PARD3: variants seen among roughly 807,000 people sequenced by gnomAD.
PARD3 encodes the protein partitioning defective 3 homolog.
PARD3 carries 75 observed loss-of-function variants against 155.4 expected under a neutral mutation model. The observed-to-expected ratio is 0.48, with a 90% CI of 0.40 to 0.58. PARD3 has a LOEUF of 0.58. Among genes scored for constraint, PARD3 ranks in the 20% least tolerant of loss-of-function variants. The pLI is 0.00. For synonymous variants in PARD3, 576 were observed against 610.5 expected, an observed-to-expected ratio of 0.94 and a Z score of 0.83; for missense variants, 1,642 against 1,721.7, an observed-to-expected ratio of 0.95 and a Z score of 0.82.
At chr10:34,172,749 C>CA (rs1407885538) in intron 22 of PARD3, among the ~76,000 whole-genome samples, 372 of 111,584 alleles carry the variant, frequency 3.3e-3, no homozygotes, top group South Asian at 0.018. Context: ...AAAAAAACAA[C>CA]AAAAAAAAAA....
At chr10:34,564,802 GA>G (rs2085790403) in intron 2 of PARD3, among the ~76,000 whole-genome samples, 2 of 152,292 alleles carry the variant, frequency 1.3e-5, no homozygotes, top group African/African-American at 4.8e-5. Flanking sequence ...AACCACATTT[GA>G]TGATCTGTCT....
intron 2 of PARD3, among the ~76,000 whole-genome samples, chr10:34,550,754 G>T (rs958470520): frequency 6.6e-6 from 1 of 151,996 alleles, no homozygotes; most frequent in Non-Finnish European, 1.5e-5. Context: ...TTAACTATTA[G>T]TTTAAAAATA....
chr10:34,471,068 T>A (rs987679330), intron 3 of PARD3, among the ~76,000 whole-genome samples: 3 of 152,206 alleles, frequency 2.0e-5, no homozygotes, highest in Admixed American at 1.3e-4. Flanking sequence ...TTTTGTTGAA[T>A]AAAATGTTTC....
intron 2 of PARD3, among the ~76,000 whole-genome samples, chr10:34,632,516 A>C (rs543711610): frequency 1.3e-5 from 2 of 152,350 alleles, no homozygotes; most frequent in South Asian, 4.1e-4. Context: ...AGAGAAGAAC[A>C]GTATCTCAGA....
At chr10:34,111,927 T>G (rs1284270483) in intron 24 of PARD3, among the ~76,000 whole-genome samples, 1 of 152,228 alleles carries the variant, frequency 6.6e-6, no homozygotes, top group African/African-American at 2.4e-5. Flanking sequence ...GTTTGGCAGC[T>G]TCCATGGTAG....
At chr10:34,755,571 C>T (rs1022802032) in intron 1 of PARD3, among the ~76,000 whole-genome samples, 1 of 152,170 alleles carries the variant, frequency 6.6e-6, no homozygotes, top group Non-Finnish European at 1.5e-5. Context: ...GGATCTGGAT[C>T]TGCTTGTAGT....
At chr10:34,673,302 C>T (rs2093641343) in intron 2 of PARD3, among the ~76,000 whole-genome samples, 1 of 152,170 alleles carries the variant, frequency 6.6e-6, no homozygotes, top group South Asian at 2.1e-4. Context: ...ATAGCAAAAA[C>T]TTAAGGTGTT....
Position 34,601,693 on chromosome 10 carries a change from T to G in PARD3, c.223-84534A>C, listed in dbSNP as rs1188027632. Among the ~76,000 whole-genome samples, 3 of 152,188 alleles carry G rather than the reference T, an allele frequency of 2.0e-5. No homozygotes were observed. In the East Asian group the frequency reaches 5.8e-4, roughly 29 times the overall value. ...TGTTTCTCCAATCCCTGTGGCACTA[T>G]GGAATCCTTCAGTTTCCGACTACAT... is the stretch of plus-strand genomic sequence containing the variant. On this transcript the variant is annotated intron_variant, in intron 2 of 24. Transcript: ENST00000374788.
At chr10:34,447,236 T>G (rs1260455099) in intron 5 of PARD3, among the ~76,000 whole-genome samples, 1 of 151,654 alleles carries the variant, frequency 6.6e-6, no homozygotes, top group Non-Finnish European at 1.5e-5. Context: ...GATCAGCACT[T>G]TGGGAGGCTG....
At chr10:34,286,169 A>G (rs898173031) in intron 20 of PARD3, among the ~76,000 whole-genome samples, 1 of 152,234 alleles carries the variant, frequency 6.6e-6, no homozygotes, top group Non-Finnish European at 1.5e-5. Context: ...ATAAATGAAA[A>G]AATATTAAAA....
intron 3 of PARD3, among the ~76,000 whole-genome samples, chr10:34,495,865 G>A (rs773503542): frequency 9.9e-5 from 15 of 151,094 alleles, no homozygotes; most frequent in African/African-American, 2.4e-4. Context: ...AACATGAACC[G>A]TGAGGATGTG....
intron 2 of PARD3, among the ~76,000 whole-genome samples, chr10:34,694,165 AG>A (rs764078932): frequency 6.1e-5 from 5 of 82,360 alleles, no homozygotes; most frequent in Admixed American, 1.3e-4. Context: ...AAAAAAAAAA[AG>A]AAACAAAAAA....
intron 2 of PARD3, among the ~76,000 whole-genome samples, chr10:34,538,129 G>C (rs947013315): frequency 1.3e-5 from 2 of 152,224 alleles, no homozygotes; most frequent in African/African-American, 2.4e-5. Flanking sequence ...TGGGTGACAA[G>C]AGCGAGACTC....
intron 4 of PARD3, among the ~76,000 whole-genome samples, chr10:34,465,738 A>C (rs1039174621): frequency 6.6e-6 from 1 of 151,510 alleles, no homozygotes; most frequent in Non-Finnish European, 1.5e-5. Context: ...AATATCATTT[A>C]CAAAAACAAT....
chr10:34,442,147 G>T (rs1589590355), intron 5 of PARD3, among the ~76,000 whole-genome samples: 1 of 152,190 alleles, frequency 6.6e-6, no homozygotes, highest in East Asian at 1.9e-4. Flanking sequence ...GAATTTGGAG[G>T]CAAAGGGCTT....
chr10:34,802,036 G>C (rs4277058), intron 1 of PARD3, among the ~76,000 whole-genome samples: 52,225 of 152,028 alleles, frequency 0.34, 11,180 homozygotes, highest in Non-Finnish European at 0.48. Context: ...ATGTGTAAGT[G>C]ATGCCTTTTA....
chr10:34,143,064 G>A (rs1948278141), intron 22 of PARD3, among the ~76,000 whole-genome samples: 1 of 152,212 alleles, frequency 6.6e-6, no homozygotes, highest in Non-Finnish European at 1.5e-5. Flanking sequence ...GCTTATGCCT[G>A]TAATCCCAGC....
intron 2 of PARD3, among the ~76,000 whole-genome samples, chr10:34,548,308 G>T (rs1317716631): frequency 1.3e-5 from 2 of 151,958 alleles, no homozygotes; most frequent in African/African-American, 4.8e-5. Context: ...GGGCAATGTG[G>T]CAAAACCCTA....
At chr10:34,373,098 G>A (rs1840861697) in intron 11 of PARD3, among the ~76,000 whole-genome samples, 2 of 151,914 alleles carry the variant, frequency 1.3e-5, no homozygotes, top group South Asian at 4.2e-4. Context: ...TAGACACACA[G>A]AATTTAAACA....
Sources: gnomAD v4.1 joint callset for allele counts (sites outside exome capture counted in the v4.1 genomes callset) on GRCh38, gnomAD v4.1.1 for gene constraint, MANE v1.5 for transcripts, NCBI Gene and HGNC (gene_info 2026-07-23, HGNC 2026-07-21) for gene names.